The following PHAF1 variants were observed in gnomAD, a reference collection of about 807,000 sequenced individuals.
The protein encoded by PHAF1 is phagophore assembly factor 1, also known as phagosome assembly factor 1.
Under a neutral mutation model 63.1 loss-of-function variants are expected in PHAF1, and 23 were observed. That is an observed-to-expected ratio of 0.36 (90% CI 0.26 to 0.52). The LOEUF (loss-of-function observed/expected upper bound fraction) is 0.52, where lower values mean the gene tolerates loss of function less well. PHAF1 is among the 20% of genes least tolerant of loss of function. The pLI is 0.93. For missense variants in PHAF1, 427 were observed against 517.2 expected, an observed-to-expected ratio of 0.83 and a Z score of 1.69; for synonymous variants, 167 against 185.0, an observed-to-expected ratio of 0.90 and a Z score of 0.79.
intron 2 of PHAF1, among the ~76,000 whole-genome samples, chr16:67,123,330 AG>A (rs903841100): frequency 6.6e-6 from 1 of 151,938 alleles, no homozygotes; most frequent in Admixed American, 6.6e-5. Context: ...TAATCCCAGC[AG>A]TTTAGGAGGC....
intron 8 of PHAF1, chr16:67,134,686 C>T (rs1220474935): frequency 3.1e-6 from 2 of 650,090 alleles, no homozygotes; most frequent in East Asian, 3.1e-5. Flanking sequence ...CTGGATGCGC[C>T]TGCAGTCTAG....
intron 9 of PHAF1, 107 bp downstream of exon 9, chr16:67,140,224 T>C (rs551539642): frequency 3.0e-5 from 41 of 1,371,340 alleles, no homozygotes; most frequent in South Asian, 5.6e-5. Flanking sequence ...TAAGTAAAGC[T>C]AATGGTAAAG....
chr16:67,113,294 T>C (rs1962592903), intron 1 of PHAF1, among the ~76,000 whole-genome samples: 1 of 152,062 alleles, frequency 6.6e-6, no homozygotes, highest in Non-Finnish European at 1.5e-5. Context: ...TTCCTGGTTG[T>C]ATAATGTTGG....
intron 8 of PHAF1, among the ~76,000 whole-genome samples, chr16:67,137,038 C>G (rs1172623227): frequency 6.6e-6 from 1 of 152,076 alleles, no homozygotes; most frequent in Non-Finnish European, 1.5e-5. Context: ...GCCTGTAGTT[C>G]CAGCTACTCG....
At chr16:67,120,240 T>G (rs1314065114) in intron 2 of PHAF1, 46 bp downstream of exon 2, 3 of 1,550,866 alleles carry the variant, frequency 1.9e-6, no homozygotes, top group Non-Finnish European at 2.7e-6. Context: ...CCCTCGGTAG[T>G]GAGTCACTTC....
At position 67,138,819 on chromosome 16, in the gene PHAF1, T is replaced by C. The variant is rs75450908; in HGVS notation, c.662-1165T>C. Among the ~76,000 whole-genome samples the C allele has an allele frequency of 6.8e-3, 1,042 of 152,328 alleles. 2 individuals carry two copies. The highest frequency in any genetic ancestry group is 1.0e-2 in the Non-Finnish European group (679 of 68,032). ...GTTGGAGGGCTCTGTCAGGTGTTTG[T>C]GTAGAATTAGGGAGACAAGTAATGC... is the stretch of plus-strand genomic sequence containing the variant. On this transcript the variant is annotated intron_variant, in intron 8 of 15. Coordinates refer to ENST00000219139, the MANE Select transcript of PHAF1 (RefSeq NM_025187.5).
chr16:67,124,775 C>T lies in PHAF1; in HGVS notation c.148-1184C>T, dbSNP rs1215182048. On this transcript the variant is annotated intron_variant, in intron 2 of 15. Coordinates refer to ENST00000219139, the MANE Select transcript of PHAF1 (RefSeq NM_025187.5). ...AAAGTCAGCCGGGCGTGGTGGCGGG[C>T]GCCTGTAGTCCCAGCTACTCGGGAG... is the stretch of plus-strand genomic sequence containing the variant. 2.6e-5 allele frequency among the ~76,000 whole-genome samples: 4 copies of T among 151,980 alleles called. No individual in the cohort carries two copies. The East Asian group carries it at 5.8e-4, about 22-fold the overall frequency.
At chr16:67,124,525 A>G (rs1029727727) in intron 2 of PHAF1, among the ~76,000 whole-genome samples, 1 of 152,192 alleles carries the variant, frequency 6.6e-6, no homozygotes, top group Non-Finnish European at 1.5e-5. Flanking sequence ...CTTCCAGCCT[A>G]TGTCTGTCTC....
intron 1 of PHAF1, among the ~76,000 whole-genome samples, chr16:67,118,707 A>T (rs1476464781): frequency 6.6e-6 from 1 of 151,540 alleles, no homozygotes; most frequent in Admixed American, 6.6e-5. Context: ...GTAAAAATCC[A>T]GTGAAATCCT....
intron 2 of PHAF1, 41 bp downstream of exon 2, chr16:67,120,235 G>A (rs749759258): frequency 4.0e-5 from 63 of 1,563,054 alleles, no homozygotes; most frequent in Admixed American, 6.7e-5. Flanking sequence ...AGCATCCCTC[G>A]GTAGTGAGTC....
intron 1 of PHAF1, among the ~76,000 whole-genome samples, chr16:67,114,528 A>G (rs1008970866): frequency 6.6e-5 from 10 of 150,920 alleles, no homozygotes; most frequent in Non-Finnish European, 1.2e-4. Context: ...CTGCCAAACA[A>G]CAGGAGCTGG....
At chr16:67,131,350 G>A (rs1399112878) in intron 4 of PHAF1, 21 bp downstream of exon 4, 1 of 1,547,012 alleles carries the variant, frequency 6.5e-7, no homozygotes. Context: ...TCCCCTGCTG[G>A]TATATGTCAC....
intron 6 of PHAF1, among the ~76,000 whole-genome samples, chr16:67,133,592 AC>A (rs1308419990): frequency 6.6e-6 from 1 of 151,936 alleles, no homozygotes; most frequent in African/African-American, 2.4e-5. Context: ...CTCCTGGCTA[AC>A]ATGGTGAAAC....
chr16:67,144,019 T>C (rs573104846), intron 10 of PHAF1, among the ~76,000 whole-genome samples: 4 of 152,222 alleles, frequency 2.6e-5, no homozygotes, highest in South Asian at 2.1e-4. Context: ...GGAGAATTGC[T>C]TGAACCCAGG....
At chr16:67,123,994 C>T (rs1283121160) in intron 2 of PHAF1, among the ~76,000 whole-genome samples, 1 of 152,000 alleles carries the variant, frequency 6.6e-6, no homozygotes, top group East Asian at 1.9e-4. Context: ...CCACATAGTG[C>T]ATGTGTATTT....
At position 67,148,246 on chromosome 16, in the gene PHAF1, G is replaced by C. The variant is rs2030275699; in HGVS notation, c.*1115G>C. 1 of 152,652 alleles carries C rather than the reference G, an allele frequency of 6.6e-6. No homozygotes were observed. The highest frequency in any genetic ancestry group is 1.5e-5 in the Non-Finnish European group (1 of 68,032). The allele number at this position is 152,652 out of a possible 1,614,324, so 9.5% of individuals were successfully genotyped here. A position where few individuals can be genotyped will look rare whatever the true frequency, so the allele number is the denominator to read the frequency against. On this transcript the variant is annotated 3_prime_UTR_variant, in exon 16 of 16. Coordinates refer to ENST00000219139, the MANE Select transcript of PHAF1 (RefSeq NM_025187.5). ...CTCATGTACAGCCTCATCCTGTATA[G>C]TTTAATGATGAATGTGCAGGGGACC...
chr16:67,112,469 A>G (rs1214742940), intron 1 of PHAF1, among the ~76,000 whole-genome samples: 1 of 151,430 alleles, frequency 6.6e-6, no homozygotes, highest in Non-Finnish European at 1.5e-5. Context: ...CTGGGAGGTC[A>G]AGGCTGCCGT....
Position 67,126,035 on chromosome 16 carries a change from G to A in PHAF1, c.224G>A (p.Arg75Lys). 1 of 1,609,520 alleles carries A rather than the reference G, an allele frequency of 6.2e-7. No individual in the cohort carries two copies. Among genetic ancestry groups the A allele is most frequent in the Non-Finnish European group, 8.5e-7 (1 of 1,176,482 alleles). Residue 75 changes from arginine to lysine, a missense_variant, in exon 3 of 16, where the codon AGA becomes AAA. Transcript: ENST00000219139. ...CTAATGTTTGATGCTTTCAATCAGA[G>A]ACTTAAGGTAACTATAAATGACAAC... is the stretch of plus-strand genomic sequence containing the variant. ...IKLMFDAFNQ[R>K]LKVIEVCDLT...
chr16:67,124,466 T>G (rs1005470519), intron 2 of PHAF1, among the ~76,000 whole-genome samples: 13 of 152,364 alleles, frequency 8.5e-5, no homozygotes, highest in African/African-American at 2.2e-4. Flanking sequence ...CAAAAGACTC[T>G]TAGGAGAGAA....
Sources: allele counts gnomAD v4.1 joint callset (sites outside exome capture counted in the v4.1 genomes callset), GRCh38; gene constraint gnomAD v4.1.1; transcripts MANE v1.5; gene names NCBI Gene and HGNC (gene_info 2026-07-23, HGNC 2026-07-21).